Variants in DST observed in about 807,000 individuals in gnomAD.
DST encodes dystonin, also known as bullous pemphigoid antigen.
A neutral mutation model predicts 875.2 loss-of-function variants in DST; 253 were observed. The observed-to-expected ratio is 0.29, with a 90% CI of 0.26 to 0.32. The LOEUF (loss-of-function observed/expected upper bound fraction) is 0.32, where lower values mean the gene tolerates loss of function less well. DST is among the 10% of genes least tolerant of loss of function. The probability of loss-of-function intolerance (pLI) is 1.00; values close to 1 mark genes in which losing one functional copy is unlikely to be tolerated. For synonymous variants in DST, 3,124 were observed against 3,197.1 expected (o/e 0.98, Z 0.77); for missense variants, 8,287 against 9,111.6 (o/e 0.91, Z 3.68).
intron 5 of DST, among the ~76,000 whole-genome samples, chr6:56,720,105 T>G (rs930406590): frequency 1.3e-5 from 2 of 151,996 alleles, no homozygotes; most frequent in African/African-American, 4.8e-5. Context: ...GAGACTGGAG[T>G]TTATTTCATC....
chr6:56,944,355 C>CAA (rs71303767), intron 2 of DST, among the ~76,000 whole-genome samples: 21 of 146,036 alleles, frequency 1.4e-4, no homozygotes, highest in African/African-American at 3.0e-4. Flanking sequence ...CTCACAATAA[C>CAA]AAAAAAAAAA....
At chr6:56,666,991 T>G (rs1399412626) in intron 10 of DST, among the ~76,000 whole-genome samples, 2 of 151,382 alleles carry the variant, frequency 1.3e-5, no homozygotes, top group African/African-American at 4.9e-5. Flanking sequence ...CAACTGAAAG[T>G]AGAGAATTAA....
At chr6:56,877,144 C>T (rs1779953311) in intron 3 of DST, among the ~76,000 whole-genome samples, 1 of 152,218 alleles carries the variant, frequency 6.6e-6, no homozygotes, top group Non-Finnish European at 1.5e-5. Flanking sequence ...GTCACCTTAT[C>T]AAAGAATGTT....
chr6:56,658,460 G>T (rs1051482706), intron 10 of DST, among the ~76,000 whole-genome samples: 2 of 152,060 alleles, frequency 1.3e-5, no homozygotes, highest in African/African-American at 4.8e-5. Context: ...ATGGGAGGGG[G>T]GACATTATGG....
In DST at chr6:56,592,246, T is replaced by C. The variant is rs186813964; in HGVS notation, c.12839A>G (p.Lys4280Arg). 3.7e-3 allele frequency: 6,008 copies of C among 1,613,424 alleles called. 21 individuals are homozygous for C. Among genetic ancestry groups the C allele is most frequent in the Non-Finnish European group, 4.4e-3 (5,145 of 1,179,660 alleles). Residue 4280 changes from lysine (K) to arginine (R), a missense_variant, in exon 49 of 104, where the codon AAA (lysine) becomes AGA (arginine). By Grantham distance (26) the Lys-to-Arg change is conservative (BLOSUM62 2). Around this residue, in one of 10 missense-constraint regions of DST, gnomAD observed 1,513 missense variants for 1,677.8 expected, o/e 0.90. Coordinates refer to ENST00000680361, the MANE Select transcript of DST (RefSeq NM_001374736.1). ...CACCGCAATAGGTTCAGATAAGTGT[T>C]TGCTCGCTGTGGCCTCACAGGCCTG... ...GLQACEATAS[K>R]HLSEPIAVDP...
chr6:56,912,081 C>A (rs1170416335), intron 2 of DST, among the ~76,000 whole-genome samples: 1 of 152,204 alleles, frequency 6.6e-6, no homozygotes, highest in East Asian at 1.9e-4. Context: ...TGACTCCAGG[C>A]TCTTTCTCCC....
At chr6:56,865,261 C>CTGTGTGTGTGTGTG (rs35870270) in intron 3 of DST, among the ~76,000 whole-genome samples, 83 of 143,782 alleles carry the variant, frequency 5.8e-4, no homozygotes, top group African/African-American at 2.0e-3. Flanking sequence ...CCCTAGTTTT[C>CTGTGTGTGTGTGTG]TGTGTGTGTG....
In DST at chr6:56,526,394, C is replaced by T. The variant is rs2096797533; in HGVS notation, c.18096G>A (p.Glu6032=). 1.2e-6 allele frequency: 2 copies of T among 1,613,714 alleles called. No homozygotes were observed. The highest frequency in any genetic ancestry group is 2.7e-5 in the African/African-American group (2 of 74,918). ...LVSDTITQKV[E]EIDAAILRSQ... is the part of the protein sequence containing the mutation. Reference sequence around the variant, plus strand: ...ATCGCAGAATGGCTGCATCGATCTCCTCCACCTTCTGAGTGATGGTGTCGC... The same window carrying T: ...ATCGCAGAATGGCTGCATCGATCTCTTCCACCTTCTGAGTGATGGTGTCGC... Residue 6032 remains glutamate, a synonymous_variant, in exon 69 of 104, where the codon GAG becomes GAA. Transcript: ENST00000680361.
At chr6:56,746,894 C>T (rs953604410) in intron 4 of DST, among the ~76,000 whole-genome samples, 1 of 152,102 alleles carries the variant, frequency 6.6e-6, no homozygotes, top group Non-Finnish European at 1.5e-5. Context: ...GAGTTAAGCA[C>T]TCCAGGCGTG....
chr6:56,574,935 C>T (rs1357976837), intron 50 of DST, among the ~76,000 whole-genome samples: 1 of 152,098 alleles, frequency 6.6e-6, no homozygotes, highest in African/African-American at 2.4e-5. Flanking sequence ...TTGTATTTGG[C>T]CCATGAAACA....
chr6:56,804,771 C>T (rs1037803081), intron 4 of DST, among the ~76,000 whole-genome samples: 13 of 152,108 alleles, frequency 8.5e-5, no homozygotes, highest in African/African-American at 3.1e-4. Flanking sequence ...TACAAGAACA[C>T]TTCTCGCCCA....
At chr6:56,819,963 A>G (rs1404894759) in intron 4 of DST, among the ~76,000 whole-genome samples, 1 of 152,248 alleles carries the variant, frequency 6.6e-6, no homozygotes, top group African/African-American at 2.4e-5. Context: ...AATTATTGAA[A>G]CAAGTCATAA....
At chr6:56,651,937 G>C (rs1384021685) in intron 10 of DST, among the ~76,000 whole-genome samples, 2 of 152,130 alleles carry the variant, frequency 1.3e-5, no homozygotes, top group Non-Finnish European at 2.9e-5. Flanking sequence ...AGAAAATTTT[G>C]TATTTTATCC....
intron 72 of DST, 129 bp downstream of exon 72, chr6:56,515,321 A>T: frequency 1.9e-6 from 2 of 1,036,444 alleles, no homozygotes; most frequent in Non-Finnish European, 2.8e-6. Flanking sequence ...TAAGCAAATT[A>T]CACAGACCAG....
intron 8 of DST, 120 bp from the exon 9 acceptor site, chr6:56,699,865 C>G: frequency 1.9e-6 from 1 of 532,826 alleles, no homozygotes; most frequent in Non-Finnish European, 3.2e-6. Flanking sequence ...ATTTAAACAC[C>G]AGTAGTCAAC....
At chr6:56,951,546 A>G (rs1266964673) in intron 2 of DST, among the ~76,000 whole-genome samples, 1 of 152,216 alleles carries the variant, frequency 6.6e-6, no homozygotes, top group Non-Finnish European at 1.5e-5. Context: ...CTTGATAGAA[A>G]AGAGAAAAGA....
Sources: gnomAD v4.1 joint callset for allele counts (sites outside exome capture counted in the v4.1 genomes callset) on GRCh38, gnomAD v4.1.1 for gene constraint, gnomAD v4.1.1 regional missense constraint, MANE v1.5 for transcripts, NCBI Gene and HGNC (gene_info 2026-07-23, HGNC 2026-07-21) for gene names.